The following CFAP44 variants were observed in gnomAD, a reference collection of about 807,000 sequenced individuals.
The protein encoded by CFAP44 is cilia- and flagella-associated protein 44.
In CFAP44, 134 loss-of-function variants were observed where a neutral mutation model predicts 216.2. The ratio of observed to expected loss-of-function variants is 0.62; its 90% CI spans 0.54 to 0.72. The LOEUF (loss-of-function observed/expected upper bound fraction) is 0.72, where lower values mean the gene tolerates loss of function less well. Ranked by LOEUF, CFAP44 falls within the 30% of genes least tolerant of loss-of-function variation. The pLI is 0.00. For synonymous variants in CFAP44, 700 were observed against 727.6 expected, an observed-to-expected ratio of 0.96 and a Z score of 0.61; for missense variants, 2,035 against 2,182.1, an observed-to-expected ratio of 0.93 and a Z score of 1.34.
intron 19 of CFAP44, among the ~76,000 whole-genome samples, chr3:113,364,530 A>C (rs1559924534): frequency 6.6e-6 from 1 of 152,110 alleles, no homozygotes. Flanking sequence ...AAATTTACTG[A>C]ATTTTATTTA....
intron 8 of CFAP44, 139 bp downstream of exon 8, chr3:113,406,785 TGAA>T (rs1416674993): frequency 4.2e-5 from 24 of 570,970 alleles, no homozygotes; most frequent in Non-Finnish European, 5.8e-5. Flanking sequence ...AATTGATAAT[TGAA>T]GAAGTAAAAT....
At chr3:113,368,840 A>T (rs1162436831) in intron 18 of CFAP44, among the ~76,000 whole-genome samples, 1 of 152,240 alleles carries the variant, frequency 6.6e-6, no homozygotes. Context: ...TGTATCCAGG[A>T]GACCCATCTC....
intron 33 of CFAP44, among the ~76,000 whole-genome samples, chr3:113,295,771 C>T (rs1389677343): frequency 1.3e-5 from 2 of 152,176 alleles, no homozygotes; most frequent in Non-Finnish European, 2.9e-5. Flanking sequence ...ACAGTCTATG[C>T]CTTGTTACAA....
Position 113,409,281 on chromosome 3 carries a change from T to C in CFAP44, c.715A>G (p.Ser239Gly), listed in dbSNP as rs1462116800. The change falls in exon 7 of 35, where the codon AGC (serine) becomes GGC (glycine). Residue 239 changes from serine to glycine, a missense_variant. Coordinates refer to ENST00000393845, the MANE Select transcript of CFAP44 (RefSeq NM_001164496.2). The part of the protein sequence containing the change: ...KGYAYVDFNY[S>G]GNLLASVGSN... ...CCAACAGAGGCCAGCAAGTTACCGCTGTAGTTAAAGTCCACATAAGCATAT... is the reference window on the plus strand; with the variant it reads ...CCAACAGAGGCCAGCAAGTTACCGCCGTAGTTAAAGTCCACATAAGCATAT... 1.2e-6 allele frequency: 2 copies of C among 1,614,180 alleles called. No homozygotes were observed. The highest frequency in any genetic ancestry group is 1.3e-5 in the African/African-American group (1 of 75,058).
chr3:113,312,015 G>C (rs1159024916), intron 28 of CFAP44, among the ~76,000 whole-genome samples: 1 of 151,790 alleles, frequency 6.6e-6, no homozygotes, highest in Admixed American at 6.6e-5. Context: ...AAACATTCAA[G>C]AAGTGACTTG....
intron 17 of CFAP44, among the ~76,000 whole-genome samples, chr3:113,376,829 T>C (rs2107331842): frequency 6.6e-6 from 1 of 152,282 alleles, no homozygotes; most frequent in South Asian, 2.1e-4. Flanking sequence ...AGATTAGTAC[T>C]AGAGCATGTT....
At position 113,304,324 on chromosome 3, in the gene CFAP44, T is replaced by A. The variant is rs946239076; in HGVS notation, c.4876-207A>T. ...AAGCCACATCACGTCTCTGTGGGGA[T>A]AGCAAATCCTCCCACACAGATCATG... On this transcript the variant is annotated intron_variant, in intron 31 of 34. Transcript: ENST00000393845. 6.9e-6 allele frequency: 4 copies of A among 578,980 alleles called. No individual in the cohort carries two copies. The East Asian group carries it at 1.1e-4, about 17-fold the overall frequency. 35.9% of individuals were successfully genotyped at this position (578,980 alleles called of 1,614,324 possible).
chr3:113,389,920 C>T (rs914471741), intron 15 of CFAP44, among the ~76,000 whole-genome samples: 7 of 151,926 alleles, frequency 4.6e-5, no homozygotes, highest in African/African-American at 1.4e-4. Flanking sequence ...TTGAATTCTA[C>T]CAAACATTTA....
At chr3:113,349,089 A>G (rs1279347547) in intron 22 of CFAP44, among the ~76,000 whole-genome samples, 1 of 152,142 alleles carries the variant, frequency 6.6e-6, no homozygotes, top group Non-Finnish European at 1.5e-5. Context: ...AGTTGCAAAT[A>G]TCTGTTGACC....
chr3:113,287,248 G>A lies in CFAP44; in HGVS notation c.*4309C>T, dbSNP rs951992625. 5.1e-5 allele frequency: 18 copies of A among 350,584 alleles called. No homozygotes were observed. The highest frequency in any genetic ancestry group is 1.6e-4 in the Admixed American group (4 of 24,576). 21.7% of individuals were successfully genotyped at this position (350,584 alleles called of 1,614,324 possible). On this transcript the variant is annotated 3_prime_UTR_variant, in exon 35 of 35. Coordinates refer to ENST00000393845, the MANE Select transcript of CFAP44 (RefSeq NM_001164496.2). ...AGCATGAGGGAACAGCAAGGGGCAC[G>A]GTATCACAGCCTGGAGACACCCACA...
intron 22 of CFAP44, among the ~76,000 whole-genome samples, chr3:113,352,352 G>T (rs13065651): frequency 0.15 from 22,153 of 152,006 alleles, 1,655 homozygotes; most frequent in African/African-American, 0.18. Context: ...TTGTTCTTTC[G>T]CTCTTCACAA....
intron 6 of CFAP44, among the ~76,000 whole-genome samples, chr3:113,413,162 T>C (rs1180307059): frequency 1.3e-5 from 2 of 152,226 alleles, no homozygotes; most frequent in African/African-American, 2.4e-5. Flanking sequence ...GTTGGCTGCA[T>C]AGATGTATTC....
intron 29 of CFAP44, 110 bp from the exon 30 acceptor site, chr3:113,306,441 C>T (rs75447378): frequency 5.3e-6 from 7 of 1,321,118 alleles, no homozygotes; most frequent in Non-Finnish European, 7.2e-6. Flanking sequence ...TATGGATCCA[C>T]TCTAGCCAGC....
chr3:113,425,761 G>T lies in CFAP44; in HGVS notation c.407+363C>A, dbSNP rs7430385. Among the ~76,000 whole-genome samples, 1,350 of 152,222 alleles carry T rather than the reference G, an allele frequency of 8.9e-3. 18 individuals carry two copies. Among genetic ancestry groups the T allele is most frequent in the African/African-American group, 0.03 (1,259 of 41,528 alleles). On this transcript the variant is annotated intron_variant, in intron 4 of 34. Coordinates refer to ENST00000393845, the MANE Select transcript of CFAP44 (RefSeq NM_001164496.2). Reference sequence around the variant, plus strand: ...AAATATTTCTCTGTATGGTTATTTGGCATCAAACAAAAGCTTAGTTTAAAT... The same window carrying T: ...AAATATTTCTCTGTATGGTTATTTGTCATCAAACAAAAGCTTAGTTTAAAT...
rs1196898900 is a variant in CFAP44, at chr3:113,287,365, A to G, written c.*4192T>C. 1 of 160,994 alleles carries G rather than the reference A, an allele frequency of 6.2e-6. No individual in the cohort carries two copies. The highest frequency in any genetic ancestry group is 1.4e-5 in the Non-Finnish European group (1 of 73,224). The allele number at this position is 160,994 out of a possible 1,614,324, so 10.0% of individuals were successfully genotyped here. ...TGTACAGCACTATGAGCATTAAAAA[A>G]CCTTCCAGAATCAATAATCCGTGGC... On this transcript the variant is annotated 3_prime_UTR_variant, in exon 35 of 35. Transcript: ENST00000393845.
chr3:113,295,070 T>C (rs1007702973), intron 33 of CFAP44, among the ~76,000 whole-genome samples: 5 of 152,218 alleles, frequency 3.3e-5, no homozygotes, highest in African/African-American at 1.2e-4. Context: ...CATTGTATTA[T>C]TGAGGAATGA....
At chr3:113,360,303 T>C (rs1420726999) in intron 21 of CFAP44, 3 of 208,006 alleles carry the variant, frequency 1.4e-5, no homozygotes, top group South Asian at 1.9e-4. Flanking sequence ...CACCTTATTA[T>C]TGTAGAAACA....
At chr3:113,315,045 A>G (rs565544708) in intron 28 of CFAP44, among the ~76,000 whole-genome samples, 1 of 152,242 alleles carries the variant, frequency 6.6e-6, no homozygotes, top group Admixed American at 6.5e-5. Flanking sequence ...GAACATAAAC[A>G]GAAAATAAAA....
At chr3:113,435,217 C>A (rs948488541) in intron 1 of CFAP44, among the ~76,000 whole-genome samples, 5 of 152,016 alleles carry the variant, frequency 3.3e-5, no homozygotes, top group African/African-American at 1.2e-4. Flanking sequence ...ACACTGCTAA[C>A]AAAGGCATAC....
Sources: gnomAD v4.1 joint callset for allele counts (sites outside exome capture counted in the v4.1 genomes callset) on GRCh38, gnomAD v4.1.1 for gene constraint, MANE v1.5 for transcripts, NCBI Gene and HGNC (gene_info 2026-07-23, HGNC 2026-07-21) for gene names.